The following SNX9 variants were observed in gnomAD, a reference collection of about 807,000 sequenced individuals.
SNX9 encodes the protein sorting nexin-9.
Under a neutral mutation model 89.4 loss-of-function variants are expected in SNX9, and 44 were observed. The observed-to-expected ratio is 0.49, with a 90% CI of 0.39 to 0.63. The LOEUF (loss-of-function observed/expected upper bound fraction) is 0.63, where lower values mean the gene tolerates loss of function less well. Ranked by LOEUF, SNX9 falls within the 30% of genes least tolerant of loss-of-function variation. The pLI, the probability that SNX9 is intolerant of heterozygous loss-of-function variation, is 0.00. For synonymous variants in SNX9, 236 were observed against 247.8 expected, an observed-to-expected ratio of 0.95 and a Z score of 0.45; for missense variants, 578 against 736.1, an observed-to-expected ratio of 0.79 and a Z score of 2.49.
intron 1 of SNX9, among the ~76,000 whole-genome samples, chr6:157,860,047 G>A (rs947524646): frequency 6.6e-6 from 1 of 152,174 alleles, no homozygotes; most frequent in Non-Finnish European, 1.5e-5. Flanking sequence ...GGTGGCTTTT[G>A]CACTGCGGCA....
intron 1 of SNX9, among the ~76,000 whole-genome samples, chr6:157,834,593 G>A (rs1170586978): frequency 6.6e-6 from 1 of 151,754 alleles, no homozygotes; most frequent in Non-Finnish European, 1.5e-5. Context: ...AGGCTCAAAC[G>A]ATCCTCCTGT....
intron 6 of SNX9, among the ~76,000 whole-genome samples, chr6:157,905,503 T>G (rs987411521): frequency 3.9e-5 from 6 of 152,148 alleles, no homozygotes; most frequent in African/African-American, 9.7e-5. Flanking sequence ...AGTAGTCAAG[T>G]TTATTTAAGT....
At chr6:157,919,966 T>TGTTC (rs1783550890) in intron 9 of SNX9, among the ~76,000 whole-genome samples, 1 of 152,132 alleles carries the variant, frequency 6.6e-6, no homozygotes, top group South Asian at 2.1e-4. Flanking sequence ...TTTGTTTGTT[T>TGTTC]GTTTGTTTGT....
rs1258026941 is a variant in SNX9 at position 157,921,540 on chromosome 6, A to G, written c.959A>G (p.Glu320Gly). ...GGTGTGTCGCTTGCAGGCCGCTTTG[A>G]AGAGGAATTTATCAAAATGCGCATG... ...LPDKQVTGRF[E>G]EEFIKMRMER... Residue 320 changes from glutamate to glycine, a missense_variant, in exon 10 of 18, where the codon GAA becomes GGA. Coordinates refer to ENST00000392185, the MANE Select transcript of SNX9 (RefSeq NM_016224.5). The G allele has an allele frequency of 6.2e-7, 1 of 1,613,598 alleles. No homozygotes were observed. Among genetic ancestry groups the G allele is most frequent in the South Asian group, 1.1e-5 (1 of 91,048 alleles).
At position 157,896,920 on chromosome 6, in the gene SNX9, GCTGGA is replaced by G; in HGVS notation, c.395_399del (p.Ala132GlyfsTer28). The G allele has an allele frequency of 6.2e-7, 1 of 1,613,124 alleles. No individual in the cohort carries two copies. The highest frequency in any genetic ancestry group is 1.7e-5 in the Admixed American group (1 of 59,604). On this transcript the variant is annotated frameshift_variant, in exon 5 of 18. Coordinates refer to ENST00000392185, the MANE Select transcript of SNX9 (RefSeq NM_016224.5). LOFTEE classifies it high-confidence loss of function. ...AGGCTGGGGGGCCCAGCCAGAGGGGGCTGGAGCCCAAAGAAACACAAACACTCCCA... is the reference window on the plus strand; with the variant it reads ...AGGCTGGGGGGCCCAGCCAGAGGGGGGCCCAAAGAAACACAAACACTCCCA...
intron 13 of SNX9, among the ~76,000 whole-genome samples, chr6:157,933,495 C>T (rs939627627): frequency 9.2e-5 from 14 of 152,266 alleles, no homozygotes; most frequent in African/African-American, 3.4e-4. Flanking sequence ...TTTAGGGCTC[C>T]CACATGGCAA....
intron 12 of SNX9, among the ~76,000 whole-genome samples, chr6:157,929,338 G>A (rs1428865990): frequency 1.3e-5 from 2 of 152,200 alleles, no homozygotes; most frequent in Admixed American, 6.5e-5. Flanking sequence ...TCCAGCTGTA[G>A]GGCTAATGCC....
At chr6:157,873,944 C>G (rs1782469001) in intron 3 of SNX9, among the ~76,000 whole-genome samples, 1 of 152,170 alleles carries the variant, frequency 6.6e-6, no homozygotes, top group South Asian at 2.1e-4. Flanking sequence ...GTCTTTCGGT[C>G]CCTCCAAACC....
At chr6:157,886,692 A>G (rs561743159) in intron 4 of SNX9, among the ~76,000 whole-genome samples, 1 of 152,306 alleles carries the variant, frequency 6.6e-6, no homozygotes, top group South Asian at 2.1e-4. Flanking sequence ...TCGAATTCCA[A>G]TTTGGAATTC....
intron 10 of SNX9, among the ~76,000 whole-genome samples, chr6:157,925,028 G>A (rs1334075794): frequency 6.6e-6 from 1 of 152,202 alleles, no homozygotes; most frequent in African/African-American, 2.4e-5. Flanking sequence ...AAAAGACTAT[G>A]CAGGAAGATG....
At chr6:157,908,361 T>G (rs1332067428) in intron 7 of SNX9, among the ~76,000 whole-genome samples, 1 of 152,270 alleles carries the variant, frequency 6.6e-6, no homozygotes, top group Non-Finnish European at 1.5e-5. Flanking sequence ...TCCATGTGTT[T>G]GTTTTTTCAT....
chr6:157,870,779 A>G (rs909779574), intron 2 of SNX9, among the ~76,000 whole-genome samples: 1 of 144,962 alleles, frequency 6.9e-6, no homozygotes, highest in African/African-American at 2.6e-5. Flanking sequence ...TCACACATAT[A>G]TGCACTCACC....
intron 3 of SNX9, 155 bp from the exon 4 acceptor site, chr6:157,874,896 C>T: frequency 1.6e-6 from 1 of 643,500 alleles, no homozygotes; most frequent in Non-Finnish European, 2.4e-6. Flanking sequence ...AAATACAACC[C>T]ATTAAAATAT....
At chr6:157,936,128 C>A in intron 14 of SNX9, 88 bp downstream of exon 14, 2 of 910,480 alleles carry the variant, frequency 2.2e-6, no homozygotes, top group Non-Finnish European at 3.3e-6. Flanking sequence ...GACAAACGTC[C>A]CAAATAAGTA....
intron 12 of SNX9, among the ~76,000 whole-genome samples, chr6:157,930,305 G>T (rs909471441): frequency 2.0e-5 from 3 of 152,200 alleles, no homozygotes; most frequent in Non-Finnish European, 4.4e-5. Flanking sequence ...AAAGAAATAT[G>T]ATGCTGTATC....
intron 13 of SNX9, among the ~76,000 whole-genome samples, chr6:157,933,843 C>T (rs931043882): frequency 1.3e-5 from 2 of 152,224 alleles, no homozygotes; most frequent in Admixed American, 1.3e-4. Flanking sequence ...TTAACATTTT[C>T]TGGACTGTGA....
chr6:157,898,658 G>A lies in SNX9; in HGVS notation c.472+1660G>A, dbSNP rs116440941. Among the ~76,000 whole-genome samples, 946 of 152,278 alleles carry A rather than the reference G, an allele frequency of 6.2e-3. 8 individuals carry two copies. The highest frequency in any genetic ancestry group is 0.021 in the African/African-American group (876 of 41,548). ...AAATGTGTGGAATGGGAAATAATTTGGGAATTAAGGGTATTTATGTCTGAT... is the reference window on the plus strand; with the variant it reads ...AAATGTGTGGAATGGGAAATAATTTAGGAATTAAGGGTATTTATGTCTGAT... On this transcript the variant is annotated intron_variant, in intron 5 of 17. Transcript: ENST00000392185.
intron 1 of SNX9, among the ~76,000 whole-genome samples, chr6:157,831,049 G>C (rs1781469806): frequency 6.6e-6 from 1 of 152,082 alleles, no homozygotes; most frequent in South Asian, 2.1e-4. Flanking sequence ...TTTCAAATCT[G>C]CTTATCATTC....
intron 1 of SNX9, among the ~76,000 whole-genome samples, chr6:157,824,160 G>C (rs1429119959): frequency 6.6e-6 from 1 of 152,204 alleles, no homozygotes; most frequent in Non-Finnish European, 1.5e-5. Context: ...TTTGACTCCT[G>C]CTTCGTCATT....
Sources: allele counts gnomAD v4.1 joint callset (sites outside exome capture counted in the v4.1 genomes callset), GRCh38; gene constraint gnomAD v4.1.1; transcripts MANE v1.5; gene names NCBI Gene and HGNC (gene_info 2026-07-23, HGNC 2026-07-21).